U2SURP: variants seen among roughly 807,000 people sequenced by gnomAD.
U2SURP encodes U2 snRNP associated SURP domain containing.
A neutral mutation model predicts 144.9 loss-of-function variants in U2SURP; 9 were observed. The ratio of observed to expected loss-of-function variants is 0.06; its 90% confidence interval spans 0.04 to 0.11. The LOEUF is 0.11. Among genes scored for constraint, U2SURP ranks in the 10% least tolerant of loss-of-function variants. U2SURP has a pLI of 1.00. For missense variants in U2SURP, 724 were observed against 1,226.7 expected, an observed-to-expected ratio of 0.59 and a Z score of 6.12; for synonymous variants, 408 against 396.8, an observed-to-expected ratio of 1.03 and a Z score of -0.33.
At chr3:143,012,068 T>C in intron 2 of U2SURP, 154 bp from the exon 3 acceptor site, 3 of 996,978 alleles carry the variant, frequency 3.0e-6, no homozygotes, top group Non-Finnish European at 4.6e-6. Context: ...TAAGAACTTT[T>C]TTGGTGAAAT....
intron 13 of U2SURP, chr3:143,025,720 A>G (rs1933106638): frequency 6.6e-6 from 1 of 152,148 alleles, no homozygotes; most frequent in South Asian, 2.1e-4. Flanking sequence ...TTGAGGTTGA[A>G]TTAGTAGTTT....
chr3:143,042,370 G>A (rs1196526299), intron 23 of U2SURP, among the ~76,000 whole-genome samples: 1 of 152,072 alleles, frequency 6.6e-6, no homozygotes, highest in Non-Finnish European at 1.5e-5. Context: ...TGTGACTCAA[G>A]CTCATGTATT....
chr3:143,027,206 G>A lies in U2SURP; in HGVS notation c.1332G>A (p.Met444Ile). Residue 444 changes from methionine (M) to isoleucine (I), a missense_variant, in exon 14 of 28, where the codon ATG (methionine) becomes ATA (isoleucine). By Grantham distance (10) the Met-to-Ile change is conservative. This residue lies in a region of U2SURP where 64 missense variants were observed against 164.1 expected (regional missense o/e 0.39). Coordinates refer to ENST00000473835, the MANE Select transcript of U2SURP (RefSeq NM_001080415.2). ...AGTTTGTTGTACGTGAAGGGCCAAT[G>A]TTTGAAGCTATGATTATGAACAGAG... The part of the protein sequence containing the change: ...MIEFVVREGP[M>I]FEAMIMNREI... 6.2e-7 allele frequency: 1 copy of A among 1,613,048 alleles called. No homozygotes were observed. The highest frequency in any genetic ancestry group is 8.5e-7 in the Non-Finnish European group (1 of 1,179,218).
At position 143,056,499 on chromosome 3, in the gene U2SURP, T is replaced by C; in HGVS notation, c.*49T>C. 1 of 1,585,980 alleles carries C rather than the reference T, an allele frequency of 6.3e-7. No homozygotes were observed. The highest frequency in any genetic ancestry group is 8.6e-7 in the Non-Finnish European group (1 of 1,169,082). On this transcript the variant is annotated 3_prime_UTR_variant, in exon 28 of 28. Coordinates refer to ENST00000473835, the MANE Select transcript of U2SURP (RefSeq NM_001080415.2). ...CTTATTGGAAATGCGATTTGTTTTG[T>C]GCCTGAACGGTCTGTTTTTTAAAAA...
At chr3:143,001,954 G>A (rs918021333) in intron 1 of U2SURP, among the ~76,000 whole-genome samples, 1 of 152,242 alleles carries the variant, frequency 6.6e-6, no homozygotes, top group African/African-American at 2.4e-5. Context: ...TCAGATTGAG[G>A]TCTGAAGCAG....
intron 24 of U2SURP, among the ~76,000 whole-genome samples, chr3:143,043,811 C>T (rs920354457): frequency 6.6e-5 from 10 of 151,574 alleles, no homozygotes; most frequent in African/African-American, 1.9e-4. Context: ...CAGTGTCACC[C>T]AGGCTGGAGT....
intron 27 of U2SURP, among the ~76,000 whole-genome samples, chr3:143,055,736 G>A (rs990795143): frequency 6.6e-6 from 1 of 151,664 alleles, no homozygotes; most frequent in East Asian, 1.9e-4. Flanking sequence ...TTTCTAAATG[G>A]CACCTGTATA....
At chr3:143,041,076 T>G (rs1486139533) in intron 23 of U2SURP, among the ~76,000 whole-genome samples, 1 of 151,788 alleles carries the variant, frequency 6.6e-6, no homozygotes, top group Non-Finnish European at 1.5e-5. Flanking sequence ...AAAAAAAAAT[T>G]AGAAAAAATT....
At chr3:143,003,474 T>G (rs1034402338) in intron 1 of U2SURP, among the ~76,000 whole-genome samples, 4 of 152,134 alleles carry the variant, frequency 2.6e-5, no homozygotes, top group African/African-American at 9.7e-5. Flanking sequence ...TTTTTTTACA[T>G]GGTTGATATA....
At chr3:143,035,804 A>G (rs1933779222) in intron 19 of U2SURP, among the ~76,000 whole-genome samples, 178 bp from the exon 20 acceptor site, 1 of 152,012 alleles carries the variant, frequency 6.6e-6, no homozygotes, top group African/African-American at 2.4e-5. Flanking sequence ...TTTTAATTAG[A>G]AGGTGACATT....
At chr3:143,020,490 A>G (rs1936577516) in intron 7 of U2SURP, 109 bp from the exon 8 acceptor site, 3 of 753,854 alleles carry the variant, frequency 4.0e-6, no homozygotes, top group Non-Finnish European at 6.7e-6. Context: ...CCAGTATTTA[A>G]TTACAGATAT....
At chr3:143,007,972 G>A (rs189739153) in intron 1 of U2SURP, among the ~76,000 whole-genome samples, 8 of 152,216 alleles carry the variant, frequency 5.3e-5, no homozygotes, top group African/African-American at 9.6e-5. Context: ...CGTGCTGAAT[G>A]CTATGTAGCT....
In U2SURP at chr3:143,004,575, C is replaced by CCCT. The variant is rs1553834310; in HGVS notation, c.45+2904_45+2905insTCC. On this transcript the variant is annotated intron_variant, in intron 1 of 27. Transcript: ENST00000473835. ...TCTGTTGGCCTCTTGACCTTGTGAC[C>CCCT]CCCCCCCCCCGCCTCGGCCTCCCAA... is the stretch of plus-strand genomic sequence containing the variant. 9.3e-3 allele frequency among the ~76,000 whole-genome samples: 664 copies of CCCT among 71,334 alleles called. 131 individuals carry two copies. Among genetic ancestry groups the CCCT allele is most frequent in the African/African-American group, 0.063 (641 of 10,156 alleles). The allele number at this position is 71,334 out of a possible 152,430, so 46.8% of individuals were successfully genotyped here. A position where few individuals can be genotyped will look rare whatever the true frequency, so the allele number is the denominator to read the frequency against.
At chr3:143,018,612 A>C (rs889473201) in intron 6 of U2SURP, among the ~76,000 whole-genome samples, 1 of 151,426 alleles carries the variant, frequency 6.6e-6, no homozygotes, top group African/African-American at 2.4e-5. Flanking sequence ...CATGGTAACT[A>C]TGTTTAGCCT....
At chr3:143,050,219 A>G (rs945145960) in intron 24 of U2SURP, among the ~76,000 whole-genome samples, 2 of 152,052 alleles carry the variant, frequency 1.3e-5, no homozygotes, top group Non-Finnish European at 2.9e-5. Context: ...GATTATAGGC[A>G]TGTGCCACCA....
At chr3:143,048,540 C>T (rs148089292) in intron 24 of U2SURP, among the ~76,000 whole-genome samples, 8 of 152,062 alleles carry the variant, frequency 5.3e-5, no homozygotes, top group South Asian at 2.1e-4. Flanking sequence ...TTAAAACACA[C>T]GAAAAATGTA....
rs776394862 is a variant in U2SURP, at chr3:143,001,694, G to C, written c.45+21G>C. 6.2e-6 allele frequency: 10 copies of C among 1,613,302 alleles called. No homozygotes were observed. The Admixed American group carries it at 1.2e-4, about 19-fold the overall frequency. ...CAAAGGTAATTTCTGACAAAATTTC[G>C]TAAGTCAGCGGATCTACCACTGTCG... is the stretch of plus-strand genomic sequence containing the variant. On this transcript the variant is annotated intron_variant, in intron 1 of 27. Coordinates refer to ENST00000473835, the MANE Select transcript of U2SURP (RefSeq NM_001080415.2).
At chr3:143,003,684 T>C (rs1270656355) in intron 1 of U2SURP, among the ~76,000 whole-genome samples, 3 of 60,994 alleles carry the variant, frequency 4.9e-5, no homozygotes, top group South Asian at 4.6e-4. Flanking sequence ...TTTCTTTTTT[T>C]TTTTTTTTTT....
At chr3:143,007,103 TATCCCTTTAGCAGCCATCAGAATG>T (rs1209385330) in intron 1 of U2SURP, among the ~76,000 whole-genome samples, 3 of 152,196 alleles carry the variant, frequency 2.0e-5, no homozygotes, top group Non-Finnish European at 4.4e-5. Context: ...GCTTCACTTT[TATCCCTTTAGCAGCCATCAGAATG>T]ATCTTTTTTC....
Sources: allele counts gnomAD v4.1 joint callset (sites outside exome capture counted in the v4.1 genomes callset), GRCh38; gene constraint gnomAD v4.1.1; regional missense constraint gnomAD v4.1.1; transcripts MANE v1.5; gene names NCBI Gene and HGNC (gene_info 2026-07-23, HGNC 2026-07-21).